KNL1: variants seen among roughly 807,000 people sequenced by gnomAD.
KNL1 encodes outer kinetochore KNL1 complex subunit KNL1.
A neutral mutation model predicts 201.3 loss-of-function variants in KNL1; 66 were observed. That is an observed-to-expected ratio of 0.33 (90% CI 0.27 to 0.40). The LOEUF is 0.40. Ranked by LOEUF, KNL1 falls within the 10% of genes least tolerant of loss-of-function variation. The probability of loss-of-function intolerance (pLI) is 1.00; values close to 1 mark genes in which losing one functional copy is unlikely to be tolerated. For synonymous variants in KNL1, 895 were observed against 899.2 expected, an observed-to-expected ratio of 1.00 and a Z score of 0.08; for missense variants, 2,815 against 2,690.5, an observed-to-expected ratio of 1.05 and a Z score of -1.02.
chr15:40,654,244 C>G (rs1379119751), intron 21 of KNL1, among the ~76,000 whole-genome samples: 1 of 152,162 alleles, frequency 6.6e-6, no homozygotes, highest in African/African-American at 2.4e-5. Flanking sequence ...AAAAGCATAA[C>G]TCATTTTTAC....
intron 5 of KNL1, among the ~76,000 whole-genome samples, chr15:40,609,376 T>G (rs773990673): frequency 5.3e-5 from 8 of 151,982 alleles, no homozygotes; most frequent in Non-Finnish European, 1.0e-4. Flanking sequence ...GATAGTGTCA[T>G]TGCACTCCAG....
At chr15:40,595,973 A>G (rs1891608995) in intron 1 of KNL1, among the ~76,000 whole-genome samples, 1 of 152,168 alleles carries the variant, frequency 6.6e-6, no homozygotes, top group South Asian at 2.1e-4. Context: ...TCTTTGTCAC[A>G]TATTCTTTGT....
Position 40,608,904 on chromosome 15 carries a change from A to C in KNL1, c.193A>C (p.Ile65Leu). The stretch of plus-strand genomic sequence containing the variant: ...TCGTCGAGTCAGCTTTGCAGATACT[A>C]TAAAGTAAGTTGAAAGCAGAAATAA... ...NSRRVSFADTIKVFQTESHMK... is the reference protein window; with the variant it reads ...NSRRVSFADTLKVFQTESHMK... The change falls in exon 5 of 26, where the codon ATA (isoleucine) becomes CTA (leucine). Residue 65 changes from isoleucine (I) to leucine (L), a missense_variant. Ile to Leu is a conservative substitution (Grantham distance 5). Around this residue, in one of 3 missense-constraint regions of KNL1, gnomAD observed 2,464 missense variants for 2,291.7 expected, o/e 1.08. Transcript: ENST00000399668. The C allele has an allele frequency of 6.2e-7, 1 of 1,607,528 alleles. No homozygotes were observed. The highest frequency in any genetic ancestry group is 8.5e-7 in the Non-Finnish European group (1 of 1,175,652).
chr15:40,598,134 A>C (rs1193998855), intron 1 of KNL1, among the ~76,000 whole-genome samples: 5 of 151,292 alleles, frequency 3.3e-5, no homozygotes, highest in African/African-American at 1.2e-4. Context: ...AGATGGCACC[A>C]TTGCTCTCTA....
Position 40,613,858 on chromosome 15 carries a change from C to T in KNL1, c.285-1483C>T, listed in dbSNP as rs558800951. On this transcript the variant is annotated intron_variant, in intron 7 of 25. Transcript: ENST00000399668. Reference sequence around the variant, plus strand: ...CGTCACCCAGGCTGGAGTGCAGTGGCGCCATCTCGGCCCACTGCAAGCTCC... The same window carrying T: ...CGTCACCCAGGCTGGAGTGCAGTGGTGCCATCTCGGCCCACTGCAAGCTCC... 3.9e-5 allele frequency among the ~76,000 whole-genome samples: 6 copies of T among 152,058 alleles called. No individual in the cohort carries two copies. The South Asian group carries it at 6.2e-4, about 16-fold the overall frequency.
rs755267437 is a variant in KNL1 at position 40,625,229 on chromosome 15, T to A, written c.4965T>A (p.Pro1655=). The A allele has an allele frequency of 1.2e-6, 2 of 1,614,042 alleles. No homozygotes were observed. The highest frequency in any genetic ancestry group is 3.3e-5 in the Admixed American group (2 of 59,990). The part of the protein sequence containing the change: ...VRRCSLGIFL[P]RLPNKRNCSV... Reference sequence around the variant, plus strand: ...GATGTTCTTTGGGAATCTTTTTGCCTAGATTGCCCAACAAGAGAAATTGTA... The same window carrying A: ...GATGTTCTTTGGGAATCTTTTTGCCAAGATTGCCCAACAAGAGAAATTGTA... The change falls in exon 10 of 26, where the codon CCT becomes CCA. Residue 1655 remains proline, a synonymous_variant. Coordinates refer to ENST00000399668, the MANE Select transcript of KNL1 (RefSeq NM_144508.5).
chr15:40,622,601 A>AC lies in KNL1; in HGVS notation c.2338dup (p.Gln780ProfsTer5). 6.2e-7 allele frequency: 1 copy of AC among 1,607,690 alleles called. No homozygotes were observed. Among genetic ancestry groups the AC allele is most frequent in the South Asian group, 1.1e-5 (1 of 90,224 alleles). On this transcript the variant is annotated frameshift_variant, in exon 10 of 26. Transcript: ENST00000399668. LOFTEE classifies it high-confidence loss of function. The stretch of plus-strand genomic sequence containing the variant: ...TCATTGGATTTGGTCCTTCTGAACT[A>AC]CAAGAACTTGGTAAAACTAATTTAG...
At chr15:40,640,259 G>T (rs1218682377) in intron 13 of KNL1, among the ~76,000 whole-genome samples, 1 of 151,724 alleles carries the variant, frequency 6.6e-6, no homozygotes, top group Non-Finnish European at 1.5e-5. Flanking sequence ...ACCATGCCCA[G>T]CTAATTTTTG....
intron 4 of KNL1, 110 bp downstream of exon 4, chr15:40,606,562 C>G (rs1595915707): frequency 1.6e-6 from 1 of 633,434 alleles, no homozygotes; most frequent in Non-Finnish European, 2.9e-6. Context: ...CCATGAGTTT[C>G]CAAACACTTG....
In KNL1 at chr15:40,594,508, G is replaced by A. The variant is rs1214178896; in HGVS notation, c.-18+116G>A. On this transcript the variant is annotated intron_variant, in intron 1 of 25. Coordinates refer to ENST00000399668, the MANE Select transcript of KNL1 (RefSeq NM_144508.5). ...ACGCTCCCTCAGCCTGGCGGCCTCC[G>A]TTAGCGCCGGGCCGAGTAGACGCCC... The A allele has an allele frequency of 2.6e-5, 4 of 152,322 alleles. No individual in the cohort carries two copies. In the East Asian group the frequency reaches 5.8e-4, roughly 22 times the overall value. The allele number at this position is 152,322 out of a possible 1,614,324, so 9.4% of individuals were successfully genotyped here.
chr15:40,656,216 A>C (rs961893882), intron 22 of KNL1, among the ~76,000 whole-genome samples: 1 of 152,072 alleles, frequency 6.6e-6, no homozygotes, highest in African/African-American at 2.4e-5. Context: ...GGATCACTGG[A>C]GGTCAGGAGT....
chr15:40,628,750 G>C, intron 12 of KNL1, 72 bp downstream of exon 12: 1 of 965,370 alleles, frequency 1.0e-6, no homozygotes, highest in Admixed American at 2.5e-5. Flanking sequence ...TCTAATACAC[G>C]TAATATTCTT....
In KNL1 at chr15:40,624,198, A is replaced by G. The variant is rs1321855852; in HGVS notation, c.3934A>G (p.Thr1312Ala). ...YSCLPNVISC[T>A]DNLEGSAMLL... ...CTGTTTACCAAATGTTATTTCCTGT[A>G]CTGATAATTTGGAGGGTAGTGCCAT... Residue 1312 changes from threonine to alanine, a missense_variant, in exon 10 of 26, where the codon ACT (threonine) becomes GCT (alanine). Transcript: ENST00000399668. 6.2e-7 allele frequency: 1 copy of G among 1,613,804 alleles called. No homozygotes were observed. The highest frequency in any genetic ancestry group is 1.3e-5 in the African/African-American group (1 of 74,930).
rs1237621854 is a variant in KNL1 at position 40,606,407 on chromosome 15, A to G, written c.90A>G (p.Pro30=). 1.6e-5 allele frequency: 25 copies of G among 1,578,788 alleles called. No individual in the cohort carries two copies. Among genetic ancestry groups the G allele is most frequent in the Non-Finnish European group, 2.2e-5 (25 of 1,148,472 alleles). Residue 30 remains proline, a synonymous_variant, in exon 4 of 26, where the codon CCA becomes CCG. Transcript: ENST00000399668. ...RRRHSSILKP[P]RSPLQDLRGG... The stretch of plus-strand genomic sequence containing the variant: ...TGTTACCCTAGATATTGAAACCCCC[A>G]AGGAGTCCTCTTCAGGACCTCAGAG...
At chr15:40,595,621 T>C (rs1440683710) in intron 1 of KNL1, among the ~76,000 whole-genome samples, 8 of 152,212 alleles carry the variant, frequency 5.3e-5, no homozygotes, top group Non-Finnish European at 1.2e-4. Context: ...ATACTGACTC[T>C]AGATATTGCC....
chr15:40,608,959 G>T (rs369384188), intron 5 of KNL1, 51 bp downstream of exon 5: 2 of 1,242,976 alleles, frequency 1.6e-6, no homozygotes, highest in Non-Finnish European at 2.3e-6. Flanking sequence ...GGTATTTTGT[G>T]TATCAAACCA....
chr15:40,646,897 C>G, intron 16 of KNL1, 90 bp from the exon 17 acceptor site: 2 of 484,542 alleles, frequency 4.1e-6, no homozygotes, highest in South Asian at 4.4e-5. Context: ...TGTTTGTGAT[C>G]ATGATAGAGC....
intron 25 of KNL1, among the ~76,000 whole-genome samples, chr15:40,660,723 C>G (rs1893884551): frequency 6.6e-6 from 1 of 150,396 alleles, no homozygotes; most frequent in South Asian, 2.1e-4. Flanking sequence ...AAGCCCAGCA[C>G]TTTGGGAGGC....
chr15:40,659,465 A>G lies in KNL1; in HGVS notation c.6836+4A>G. 5.6e-6 allele frequency: 9 copies of G among 1,611,550 alleles called. No homozygotes were observed. The highest frequency in any genetic ancestry group is 7.6e-6 in the Non-Finnish European group (9 of 1,178,700). On this transcript the variant is annotated splice_donor_region_variant and intron_variant, in intron 25 of 25. Transcript: ENST00000399668. Reference sequence around the variant, plus strand: ...AGAATCACGTTGGGAACACTAGGTGAGTAAAGGGCCAACAGGGTAAGACTC... The same window carrying G: ...AGAATCACGTTGGGAACACTAGGTGGGTAAAGGGCCAACAGGGTAAGACTC...
Sources: gnomAD v4.1 joint callset for allele counts (sites outside exome capture counted in the v4.1 genomes callset) on GRCh38, gnomAD v4.1.1 for gene constraint, gnomAD v4.1.1 regional missense constraint, MANE v1.5 for transcripts, NCBI Gene and HGNC (gene_info 2026-07-23, HGNC 2026-07-21) for gene names.